Variants in NRG3 observed in about 807,000 individuals in gnomAD.
NRG3 encodes pro-neuregulin-3, membrane-bound isoform.
In NRG3, 31 loss-of-function variants were observed where a neutral mutation model predicts 66.9. The ratio of observed to expected loss-of-function variants is 0.46; its 90% CI spans 0.35 to 0.63. The LOEUF (loss-of-function observed/expected upper bound fraction) is 0.63, where lower values mean the gene tolerates loss of function less well. Ranked by LOEUF, NRG3 falls within the 20% of genes least tolerant of loss-of-function variation. NRG3 has a pLI of 0.00. For missense variants in NRG3, 910 were observed against 878.9 expected (o/e 1.04, Z -0.45); for synonymous variants, 393 against 359.4 (o/e 1.09, Z -1.06).
At chr10:82,855,847 G>C (rs1482617146) in intron 3 of NRG3, among the ~76,000 whole-genome samples, 1 of 152,100 alleles carries the variant, frequency 6.6e-6, no homozygotes, top group Admixed American at 6.5e-5. Flanking sequence ...TAGCATTTTA[G>C]TGACCATGGA....
intron 2 of NRG3, among the ~76,000 whole-genome samples, chr10:82,656,031 GT>G (rs942522055): frequency 2.6e-5 from 4 of 152,152 alleles, no homozygotes; most frequent in African/African-American, 9.6e-5. Flanking sequence ...TCTAAAAGTA[GT>G]TTCTTGAAGG....
At chr10:82,668,780 A>G (rs1356131615) in intron 2 of NRG3, among the ~76,000 whole-genome samples, 1 of 152,122 alleles carries the variant, frequency 6.6e-6, no homozygotes, top group South Asian at 2.1e-4. Context: ...GGCTCTGGTG[A>G]CCTTAGGATG....
At chr10:82,608,265 A>G (rs777050770) in intron 2 of NRG3, among the ~76,000 whole-genome samples, 1 of 152,186 alleles carries the variant, frequency 6.6e-6, no homozygotes. Context: ...TGTTGAATGT[A>G]GAAGAGAAAT....
intron 2 of NRG3, among the ~76,000 whole-genome samples, chr10:82,628,812 A>G (rs979766102): frequency 2.0e-5 from 3 of 152,188 alleles, no homozygotes; most frequent in Non-Finnish European, 4.4e-5. Flanking sequence ...AATGACTTCA[A>G]CAGCTTCAAT....
chr10:81,885,068 A>G (rs575250054), intron 1 of NRG3, among the ~76,000 whole-genome samples: 58 of 152,302 alleles, frequency 3.8e-4, no homozygotes, highest in African/African-American at 1.3e-3. Flanking sequence ...CCATTGAGCA[A>G]CAGTTCCCTA....
At chr10:82,948,143 C>G (rs569683189) in intron 4 of NRG3, among the ~76,000 whole-genome samples, 1 of 152,076 alleles carries the variant, frequency 6.6e-6, no homozygotes, top group Non-Finnish European at 1.5e-5. Context: ...GCTATATATA[C>G]TATTGATGCA....
chr10:82,079,936 G>A lies in NRG3; in HGVS notation c.823+203773G>A, dbSNP rs536973538. On this transcript the variant is annotated intron_variant, in intron 1 of 8. Transcript: ENST00000372141. ...AAAGATTTATTTGGTTATGAATCAA[G>A]CTGCTATAAATAAAGAAATCAAGCT... Among the ~76,000 whole-genome samples the A allele has an allele frequency of 2.0e-5, 3 of 152,220 alleles. No individual in the cohort carries two copies. The East Asian group carries it at 5.8e-4, about 29-fold the overall frequency.
chr10:81,876,152 G>C lies in NRG3; in HGVS notation c.812G>C (p.Ser271Thr). 6.3e-7 allele frequency: 1 copy of C among 1,587,252 alleles called. No individual in the cohort carries two copies. Among genetic ancestry groups the C allele is most frequent in the Non-Finnish European group, 8.6e-7 (1 of 1,166,664 alleles). ...ATTTTPETST[S>T]PKFHTTTYST... ...ACCACCACACCAGAAACTAGCACCA[G>C]CCCCAAATTTCGTAAGTAAACACTG... The change falls in exon 1 of 9, where the codon AGC becomes ACC. Residue 271 changes from serine (S) to threonine (T), a missense_variant. Ser to Thr is a moderately conservative substitution (Grantham distance 58). Coordinates refer to ENST00000372141, the MANE Select transcript of NRG3 (RefSeq NM_001010848.4).
At chr10:82,217,781 A>G (rs1313686361) in intron 1 of NRG3, among the ~76,000 whole-genome samples, 2 of 152,232 alleles carry the variant, frequency 1.3e-5, no homozygotes, top group Admixed American at 6.5e-5. Context: ...CAATGATTGC[A>G]GAATCGAATG....
intron 2 of NRG3, among the ~76,000 whole-genome samples, chr10:82,437,709 A>C (rs2090216538): frequency 6.6e-6 from 1 of 151,824 alleles, no homozygotes; most frequent in Non-Finnish European, 1.5e-5. Flanking sequence ...TGATCCTTGG[A>C]TGGGGTTTTT....
chr10:82,071,702 AT>A (rs1306926507), intron 1 of NRG3, among the ~76,000 whole-genome samples: 1 of 152,084 alleles, frequency 6.6e-6, no homozygotes, highest in African/African-American at 2.4e-5. Context: ...AAGTGACATT[AT>A]TTTACTTACA....
chr10:82,774,185 T>G (rs996281162), intron 3 of NRG3, among the ~76,000 whole-genome samples: 10 of 152,194 alleles, frequency 6.6e-5, no homozygotes, highest in Non-Finnish European at 1.2e-4. Flanking sequence ...TTGCTAGTGT[T>G]TTATTGAGTA....
intron 1 of NRG3, among the ~76,000 whole-genome samples, chr10:81,919,885 C>T (rs1212641119): frequency 6.6e-6 from 1 of 152,124 alleles, no homozygotes; most frequent in African/African-American, 2.4e-5. Context: ...AACCTGCCGT[C>T]AATTGTGTTT....
chr10:82,475,811 A>G (rs1213843108), intron 2 of NRG3, among the ~76,000 whole-genome samples: 1 of 152,180 alleles, frequency 6.6e-6, no homozygotes, highest in Non-Finnish European at 1.5e-5. Context: ...CATCAAAGCC[A>G]TAAGCAACAG....
At chr10:81,930,510 GA>G (rs76590582) in intron 1 of NRG3, among the ~76,000 whole-genome samples, 3,127 of 133,124 alleles carry the variant, frequency 0.023, 89 homozygotes, top group African/African-American at 0.066. Flanking sequence ...CTATTACCTG[GA>G]AAAAAAAAAA....
chr10:82,353,713 C>T, intron 1 of NRG3, among the ~76,000 whole-genome samples: 1 of 152,160 alleles, frequency 6.6e-6, no homozygotes, highest in Non-Finnish European at 1.5e-5. Context: ...AGCAGCAGTG[C>T]TTCCTTAAAC....
intron 1 of NRG3, among the ~76,000 whole-genome samples, chr10:81,993,731 A>G (rs976558320): frequency 6.6e-6 from 1 of 152,206 alleles, no homozygotes; most frequent in Admixed American, 6.5e-5. Context: ...AAAGAGAACC[A>G]TAGTTACAAT....
intron 2 of NRG3, among the ~76,000 whole-genome samples, chr10:82,632,355 G>A (rs1369534665): frequency 6.6e-6 from 1 of 152,066 alleles, no homozygotes; most frequent in Non-Finnish European, 1.5e-5. Context: ...TTTCTCCCAG[G>A]CCCCTGATAT....
chr10:82,618,728 T>C (rs2048832798), intron 2 of NRG3, among the ~76,000 whole-genome samples: 1 of 152,116 alleles, frequency 6.6e-6, no homozygotes, highest in Non-Finnish European at 1.5e-5. Context: ...ATTTATATTA[T>C]GAAATGTTAA....
Sources: allele counts gnomAD v4.1 joint callset (sites outside exome capture counted in the v4.1 genomes callset), GRCh38; gene constraint gnomAD v4.1.1; transcripts MANE v1.5; gene names NCBI Gene and HGNC (gene_info 2026-07-23, HGNC 2026-07-21).